The following COL25A1 variants were observed in gnomAD, a reference collection of about 807,000 sequenced individuals.
The protein encoded by COL25A1 is collagen type XXV alpha 1 chain, also known as collagen alpha-1(XXV) chain.
Under a neutral mutation model 128.4 loss-of-function variants are expected in COL25A1, and 103 were observed. The ratio of observed to expected loss-of-function variants is 0.80; its 90% confidence interval spans 0.68 to 0.94. The LOEUF (loss-of-function observed/expected upper bound fraction) is 0.94. Among genes scored for constraint, COL25A1 ranks in the 40% least tolerant of loss-of-function variants. The pLI, the probability that COL25A1 is intolerant of heterozygous loss-of-function variation, is 0.00. For synonymous variants in COL25A1, 279 were observed against 277.2 expected, an observed-to-expected ratio of 1.01 and a Z score of -0.06; for missense variants, 745 against 840.0, an observed-to-expected ratio of 0.89 and a Z score of 1.40.
At chr4:108,952,476 C>T (rs1749548661) in intron 8 of COL25A1, among the ~76,000 whole-genome samples, 1 of 152,110 alleles carries the variant, frequency 6.6e-6, no homozygotes, top group Non-Finnish European at 1.5e-5. Flanking sequence ...GAATTCAGCC[C>T]CATCTGAATT....
chr4:108,821,987 T>A (rs1019475755), intron 35 of COL25A1, among the ~76,000 whole-genome samples: 6 of 151,808 alleles, frequency 4.0e-5, no homozygotes, highest in Non-Finnish European at 1.5e-5. Flanking sequence ...TATGCTTTCC[T>A]ATGCTGTAAT....
At chr4:109,022,380 C>G (rs201787669) in intron 5 of COL25A1, among the ~76,000 whole-genome samples, 22,198 of 152,136 alleles carry the variant, frequency 0.15, 2,361 homozygotes, top group African/African-American at 0.3. Flanking sequence ...GAATCATCAG[C>G]ATTGGTTAAA....
Position 109,227,726 on chromosome 4 carries a change from T to C in COL25A1, c.367+72857A>G, listed in dbSNP as rs140940122. On this transcript the variant is annotated intron_variant, in intron 3 of 37. Transcript: ENST00000399132. ...TAAGGAATATATAAGAAAAAAATGA[T>C]ATTCAGCTTCCTGACAGCAAATCTG... 6.5e-3 allele frequency among the ~76,000 whole-genome samples: 990 copies of C among 152,310 alleles called. 8 individuals are homozygous for C. The highest frequency in any genetic ancestry group is 0.017 in the Middle Eastern group (5 of 294).
At chr4:109,094,284 A>G (rs1393592105) in intron 3 of COL25A1, among the ~76,000 whole-genome samples, 2 of 152,234 alleles carry the variant, frequency 1.3e-5, no homozygotes, top group African/African-American at 2.4e-5. Context: ...TCAAACAAAT[A>G]TTCATTCAGA....
intron 10 of COL25A1, among the ~76,000 whole-genome samples, chr4:108,939,430 G>A (rs1747813297): frequency 6.6e-6 from 1 of 152,064 alleles, no homozygotes; most frequent in Non-Finnish European, 1.5e-5. Flanking sequence ...AAAGGGATAT[G>A]GGCTTATGAG....
At chr4:108,834,802 A>G (rs530657816) in intron 31 of COL25A1, among the ~76,000 whole-genome samples, 16 of 152,346 alleles carry the variant, frequency 1.1e-4, no homozygotes, top group African/African-American at 3.8e-4. Flanking sequence ...AGCGCTCATT[A>G]TAATAATCAA....
intron 3 of COL25A1, among the ~76,000 whole-genome samples, chr4:109,211,304 A>ATATATATATATG (rs1777526193): frequency 2.0e-5 from 1 of 51,266 alleles, no homozygotes; most frequent in Non-Finnish European, 3.1e-5. Flanking sequence ...ATATATATAT[A>ATATATATATATG]TATATATATA....
At chr4:108,925,671 T>C (rs377417591) in intron 11 of COL25A1, among the ~76,000 whole-genome samples, 38 of 152,336 alleles carry the variant, frequency 2.5e-4, no homozygotes, top group African/African-American at 8.9e-4. Flanking sequence ...CAGGTTTTTT[T>C]ATTTTTTAAA....
intron 3 of COL25A1, among the ~76,000 whole-genome samples, chr4:109,246,738 C>T (rs565143832): frequency 9.9e-5 from 15 of 152,026 alleles, no homozygotes; most frequent in Admixed American, 7.9e-4. Context: ...CTGTGTTAAA[C>T]TTCTTCATTA....
chr4:108,922,200 G>A (rs1745565953), intron 11 of COL25A1, among the ~76,000 whole-genome samples: 3 of 152,118 alleles, frequency 2.0e-5, no homozygotes, highest in Admixed American at 2.0e-4. Flanking sequence ...TAAATTGTTT[G>A]GAAAGTAAAT....
intron 11 of COL25A1, among the ~76,000 whole-genome samples, chr4:108,937,529 T>C (rs1747571224): frequency 6.6e-6 from 1 of 152,150 alleles, no homozygotes; most frequent in Non-Finnish European, 1.5e-5. Flanking sequence ...ATTTAATCTC[T>C]CTTACAGCAG....
intron 3 of COL25A1, among the ~76,000 whole-genome samples, chr4:109,202,695 T>C (rs1429217238): frequency 2.6e-5 from 4 of 152,154 alleles, no homozygotes; most frequent in East Asian, 3.9e-4. Flanking sequence ...ACAAGCCACA[T>C]ACTGGGAAAA....
At chr4:109,175,656 G>A (rs1393637927) in intron 3 of COL25A1, among the ~76,000 whole-genome samples, 4 of 152,060 alleles carry the variant, frequency 2.6e-5, no homozygotes, top group African/African-American at 9.7e-5. Flanking sequence ...TTAATTTTTA[G>A]GAATAGTTTT....
intron 5 of COL25A1, among the ~76,000 whole-genome samples, chr4:109,045,248 T>C (rs1316881385): frequency 6.6e-6 from 1 of 152,172 alleles, no homozygotes; most frequent in Non-Finnish European, 1.5e-5. Context: ...AGTAGGTTAT[T>C]GGTAGTAACG....
intron 3 of COL25A1, among the ~76,000 whole-genome samples, chr4:109,077,411 T>C (rs567081477): frequency 2.1e-4 from 32 of 152,050 alleles, no homozygotes; most frequent in Non-Finnish European, 4.6e-4. Context: ...TAGCCTTCCA[T>C]CTATTGCCTC....
intron 35 of COL25A1, among the ~76,000 whole-genome samples, chr4:108,819,556 C>T (rs1731574239): frequency 6.6e-6 from 1 of 152,148 alleles, no homozygotes; most frequent in African/African-American, 2.4e-5. Flanking sequence ...GGAATCGTGC[C>T]AGTTCCTTTC....
rs111389989 is a variant in COL25A1 at position 108,962,177 on chromosome 4, C to A, written c.492+12190G>T. Among the ~76,000 whole-genome samples the A allele has an allele frequency of 4.1e-3, 615 of 151,022 alleles. 3 individuals carry two copies. The highest frequency in any genetic ancestry group is 0.014 in the African/African-American group (560 of 41,350). Reference sequence around the variant, plus strand: ...TTTGTTTTCCACCACCATTTCTCTACCTCGATTCTTTTTTTTTCTTTTTTT... The same window carrying A: ...TTTGTTTTCCACCACCATTTCTCTAACTCGATTCTTTTTTTTTCTTTTTTT... On this transcript the variant is annotated intron_variant, in intron 8 of 37. Coordinates refer to ENST00000399132, the MANE Select transcript of COL25A1 (RefSeq NM_198721.4).
intron 5 of COL25A1, among the ~76,000 whole-genome samples, chr4:109,045,311 T>G (rs889611704): frequency 9.2e-5 from 14 of 152,258 alleles, no homozygotes; most frequent in African/African-American, 3.4e-4. Flanking sequence ...AGAGGGTTGG[T>G]GCCTCTCACC....
Position 108,825,150 on chromosome 4 carries a change from C to T in COL25A1, c.1791+46G>A, listed in dbSNP as rs200062978. ...TTTTGTTATCGATGATGGAGACCAT[C>T]AACATCTATTATAATAGGATGATGT... On this transcript the variant is annotated intron_variant, in intron 34 of 37. Coordinates refer to ENST00000399132, the MANE Select transcript of COL25A1 (RefSeq NM_198721.4). The T allele has an allele frequency of 1.5e-4, 220 of 1,465,266 alleles. No individual in the cohort carries two copies. The African/African-American group carries it at 2.6e-3, about 18-fold the overall frequency. The allele number at this position is 1,465,266 out of a possible 1,614,324, so 90.8% of individuals were successfully genotyped here.
Sources: gnomAD v4.1 joint callset for allele counts (sites outside exome capture counted in the v4.1 genomes callset) on GRCh38, gnomAD v4.1.1 for gene constraint, MANE v1.5 for transcripts, NCBI Gene and HGNC (gene_info 2026-07-23, HGNC 2026-07-21) for gene names.